The following LARGE1 variants were observed in gnomAD, a reference collection of about 807,000 sequenced individuals.
LARGE1 encodes xylosyl- and glucuronyltransferase LARGE1.
LARGE1 carries 43 observed loss-of-function variants against 87.6 expected under a neutral mutation model. The ratio of observed to expected loss-of-function variants is 0.49; its 90% CI spans 0.38 to 0.63. LARGE1 has a LOEUF of 0.63. LARGE1 is among the 30% of genes least tolerant of loss of function. LARGE1 has a pLI of 0.00. For synonymous variants in LARGE1, 434 were observed against 394.6 expected (o/e 1.10, Z -1.18); for missense variants, 802 against 1,000.2 (o/e 0.80, Z 2.67).
chr22:33,400,465 C>T (rs2065894978), intron 7 of LARGE1, among the ~76,000 whole-genome samples: 2 of 152,206 alleles, frequency 1.3e-5, no homozygotes, highest in Non-Finnish European at 1.5e-5. Flanking sequence ...CAACTCTGAA[C>T]AGAAGTCAGA....
At chr22:33,481,114 C>T (rs1333663814) in intron 6 of LARGE1, among the ~76,000 whole-genome samples, 6 of 151,484 alleles carry the variant, frequency 4.0e-5, no homozygotes, top group Admixed American at 3.9e-4. Context: ...TAGATACATA[C>T]TTTAAAATTG....
At chr22:33,606,690 A>G (rs956500404) in intron 4 of LARGE1, among the ~76,000 whole-genome samples, 13 of 151,932 alleles carry the variant, frequency 8.6e-5, no homozygotes, top group African/African-American at 2.9e-4. Flanking sequence ...AGTACACCCT[A>G]TTTGTCAGGG....
intron 2 of LARGE1, among the ~76,000 whole-genome samples, chr22:33,695,195 C>T (rs1412246937): frequency 6.6e-6 from 1 of 151,630 alleles, no homozygotes; most frequent in East Asian, 1.9e-4. Context: ...CCTCTGCCTC[C>T]CGGGTTCAAG....
At chr22:33,853,236 A>G (rs1263552545) in intron 1 of LARGE1, among the ~76,000 whole-genome samples, 1 of 152,214 alleles carries the variant, frequency 6.6e-6, no homozygotes, top group Non-Finnish European at 1.5e-5. Flanking sequence ...ATTCCCTGCC[A>G]CAAGCTTCCT....
Position 33,761,492 on chromosome 22 carries a change from A to C in LARGE1, c.-16T>G. The C allele has an allele frequency of 6.3e-7, 1 of 1,590,210 alleles. No homozygotes were observed. The highest frequency in any genetic ancestry group is 1.1e-5 in the South Asian group (1 of 90,624). ...TTCCCAGCATCCTCTCAGAAGTGGC[A>C]ATCCCTAATCCCAGCGCCGTTTCTC... On this transcript the variant is annotated 5_prime_UTR_variant, in exon 2 of 15. The change creates a new upstream start codon in the 5' untranslated region. Coordinates refer to ENST00000397394, the MANE Select transcript of LARGE1 (RefSeq NM_133642.5).
At chr22:33,286,287 G>A (rs5994710) in intron 12 of LARGE1, among the ~76,000 whole-genome samples, 32,483 of 152,138 alleles carry the variant, frequency 0.21, 6,802 homozygotes, top group African/African-American at 0.55. Flanking sequence ...ATCCTCTATT[G>A]GATAGGGGCA....
chr22:33,847,012 C>T (rs1035602381), intron 1 of LARGE1, among the ~76,000 whole-genome samples: 3 of 152,282 alleles, frequency 2.0e-5, no homozygotes, highest in South Asian at 2.1e-4. Flanking sequence ...ACACCCTATT[C>T]GTACACTCCC....
chr22:33,615,878 CA>C (rs2079567157), intron 4 of LARGE1, among the ~76,000 whole-genome samples: 1 of 152,034 alleles, frequency 6.6e-6, no homozygotes, highest in Non-Finnish European at 1.5e-5. Context: ...AACCATTTCT[CA>C]AAGAAGATAT....
At chr22:33,205,668 A>C (rs574061417) in intron 11 of LARGE1, among the ~76,000 whole-genome samples, 9 of 152,362 alleles carry the variant, frequency 5.9e-5, no homozygotes, top group African/African-American at 2.2e-4. Flanking sequence ...TCAAGTTTCC[A>C]GCAAAAAAAT....
At position 33,329,425 on chromosome 22, in the gene LARGE1, GT is replaced by G. The variant is rs11445090; in HGVS notation, c.1287+8220del. Among the ~76,000 whole-genome samples the G allele has an allele frequency of 3.0e-3, 444 of 147,712 alleles. 3 individuals carry two copies. Among genetic ancestry groups the G allele is most frequent in the African/African-American group, 8.4e-3 (342 of 40,500 alleles). ...CTTTCTAAATTAAATACCTTTGTGG[GT>G]TTTTTTTTTGTGGGGGGAAGGGGGC... is the stretch of plus-strand genomic sequence containing the variant. On this transcript the variant is annotated intron_variant, in intron 10 of 14. Coordinates refer to ENST00000397394, the MANE Select transcript of LARGE1 (RefSeq NM_133642.5).
chr22:33,731,423 GAGCTGTTAAATTC>G (rs1241259311), intron 2 of LARGE1, among the ~76,000 whole-genome samples: 4 of 152,166 alleles, frequency 2.6e-5, no homozygotes, highest in African/African-American at 9.7e-5. Flanking sequence ...GTATTCGTCA[GAGCTGTTAAATTC>G]AGGAAAGGGA....
chr22:33,831,814 A>C (rs946617671), intron 1 of LARGE1, among the ~76,000 whole-genome samples: 3 of 151,810 alleles, frequency 2.0e-5, no homozygotes, highest in Non-Finnish European at 2.9e-5. Context: ...GCCTCCAAAG[A>C]GGATAACGTT....
intron 11 of LARGE1, among the ~76,000 whole-genome samples, chr22:33,314,540 A>G (rs1034117761): frequency 6.6e-6 from 1 of 152,158 alleles, no homozygotes; most frequent in Non-Finnish European, 1.5e-5. Flanking sequence ...ATGACTAATA[A>G]CACCTGGTAT....
intron 10 of LARGE1, among the ~76,000 whole-genome samples, chr22:33,328,580 AAAT>A (rs143321654): frequency 0.4 from 58,882 of 146,218 alleles, 12,208 homozygotes; most frequent in African/African-American, 0.5. Flanking sequence ...CTCTCTCTCA[AAAT>A]AATAATAATA....
chr22:33,681,498 A>G (rs1377368005), intron 2 of LARGE1, among the ~76,000 whole-genome samples: 1 of 152,220 alleles, frequency 6.6e-6, no homozygotes, highest in Non-Finnish European at 1.5e-5. Context: ...TACCTCATAC[A>G]GGTATAGTGA....
chr22:33,337,276 T>G (rs1938574646), intron 10 of LARGE1, among the ~76,000 whole-genome samples: 1 of 152,144 alleles, frequency 6.6e-6, no homozygotes, highest in African/African-American at 2.4e-5. Flanking sequence ...ATGCACTGAC[T>G]ACACTGAATC....
At chr22:33,728,608 T>C (rs1418360306) in intron 2 of LARGE1, among the ~76,000 whole-genome samples, 2 of 145,844 alleles carry the variant, frequency 1.4e-5, no homozygotes. Flanking sequence ...TTCCAGGGGA[T>C]TTCTTCCAGG....
intron 2 of LARGE1, among the ~76,000 whole-genome samples, chr22:33,673,353 T>A (rs1055872095): frequency 4.6e-5 from 7 of 152,122 alleles, no homozygotes; most frequent in African/African-American, 1.4e-4. Context: ...GAAGCAGTAC[T>A]CTTCCATGCT....
intron 1 of LARGE1, among the ~76,000 whole-genome samples, chr22:33,867,185 T>C (rs529188621): frequency 1.4e-4 from 21 of 152,304 alleles, no homozygotes; most frequent in Admixed American, 1.4e-3. Context: ...TGGATGTGGC[T>C]AACTCAGCTG....
Sources: allele counts gnomAD v4.1 joint callset (sites outside exome capture counted in the v4.1 genomes callset), GRCh38; gene constraint gnomAD v4.1.1; transcripts MANE v1.5; gene names NCBI Gene and HGNC (gene_info 2026-07-23, HGNC 2026-07-21).